AHCYL1: variants seen among roughly 807,000 people sequenced by gnomAD.
AHCYL1 encodes S-adenosylhomocysteine hydrolase-like protein 1.
Under a neutral mutation model 79.3 loss-of-function variants are expected in AHCYL1, and 20 were observed. The ratio of observed to expected loss-of-function variants is 0.25; its 90% confidence interval spans 0.18 to 0.37. The LOEUF is 0.37. Ranked by LOEUF, AHCYL1 falls within the 10% of genes least tolerant of loss-of-function variation. The probability of loss-of-function intolerance (pLI) is 1.00; values close to 1 mark genes in which losing one functional copy is unlikely to be tolerated. For synonymous variants in AHCYL1, 223 were observed against 242.2 expected (o/e 0.92, Z 0.74); for missense variants, 330 against 673.6 (o/e 0.49, Z 5.65).
intron 1 of AHCYL1, 75 bp from the exon 2 acceptor site, chr1:110,008,959 A>G (rs922177125): frequency 1.8e-5 from 21 of 1,174,034 alleles, no homozygotes; most frequent in African/African-American, 3.1e-5. Flanking sequence ...GGGAAAGACA[A>G]TGTATCCTTA....
At chr1:110,012,153 G>A (rs1378644815) in intron 3 of AHCYL1, among the ~76,000 whole-genome samples, 1 of 152,218 alleles carries the variant, frequency 6.6e-6, no homozygotes, top group Non-Finnish European at 1.5e-5. Flanking sequence ...GTATAAAGCT[G>A]AAGCAGTAGA....
intron 10 of AHCYL1, 77 bp from the exon 11 acceptor site, chr1:110,017,869 T>C: frequency 7.0e-7 from 1 of 1,434,668 alleles, no homozygotes; most frequent in Non-Finnish European, 9.8e-7. Context: ...TAGAAGGGGA[T>C]CTTGTCTCAT....
intron 15 of AHCYL1, among the ~76,000 whole-genome samples, chr1:110,020,357 T>C (rs1570896087): frequency 6.6e-6 from 1 of 152,210 alleles, no homozygotes; most frequent in East Asian, 1.9e-4. Flanking sequence ...CCACTTTGAT[T>C]GCTAATTTGA....
intron 1 of AHCYL1, among the ~76,000 whole-genome samples, chr1:109,993,053 A>G (rs1165574691): frequency 6.6e-6 from 1 of 152,104 alleles, no homozygotes; most frequent in Admixed American, 6.5e-5. Flanking sequence ...TTCCCAAAAG[A>G]CTCATTATAA....
At chr1:109,989,312 CCTTTT>C (rs1457586825) in intron 1 of AHCYL1, among the ~76,000 whole-genome samples, 4 of 152,160 alleles carry the variant, frequency 2.6e-5, no homozygotes. Context: ...CAAATGTATA[CCTTTT>C]CTTTTATCAG....
In AHCYL1 at chr1:110,023,618, G is replaced by A. The variant is rs1651934305; in HGVS notation, c.*1938G>A. Reference sequence around the variant, plus strand: ...AAAAAAAAAAGTCTGGCATCAGAGGGAGCATGTGGAGAGCAACTTGGGAAG... The same window carrying A: ...AAAAAAAAAAGTCTGGCATCAGAGGAAGCATGTGGAGAGCAACTTGGGAAG... On this transcript the variant is annotated 3_prime_UTR_variant, in exon 17 of 17. Transcript: ENST00000369799. 1 of 152,522 alleles carries A rather than the reference G, an allele frequency of 6.6e-6. No homozygotes were observed. Among genetic ancestry groups the A allele is most frequent in the Non-Finnish European group, 1.5e-5 (1 of 68,020 alleles). The allele number at this position is 152,522 out of a possible 1,614,324, so 9.4% of individuals were successfully genotyped here. A position where few individuals can be genotyped will look rare whatever the true frequency, so the allele number is the denominator to read the frequency against.
chr1:110,019,357 G>A (rs1044884960), intron 14 of AHCYL1, among the ~76,000 whole-genome samples, 191 bp from the exon 15 acceptor site: 5 of 152,208 alleles, frequency 3.3e-5, no homozygotes, highest in African/African-American at 4.8e-5. Context: ...TTGTTCTTTC[G>A]TTAGGAACTA....
chr1:110,019,408 T>C (rs1000396236), intron 14 of AHCYL1, 140 bp from the exon 15 acceptor site: 2 of 788,114 alleles, frequency 2.5e-6, no homozygotes, highest in African/African-American at 3.5e-5. Context: ...TGCTGCCCTT[T>C]AGTATAGGCA....
Position 110,011,270 on chromosome 1 carries a change from A to C in AHCYL1, c.289A>C (p.Thr97Pro). ...GGTTTCTCCCCGAGAGAAGCAGCAA[A>C]CCAACTCCAAGGGCAGCAGCAATTT... Reference protein sequence around the residue: ...DEVSPREKQQTNSKGSSNFCV... With the variant: ...DEVSPREKQQPNSKGSSNFCV... The change falls in exon 3 of 17, where the codon ACC becomes CCC. Residue 97 changes from threonine (T) to proline (P), a missense_variant. Transcript: ENST00000369799. The C allele has an allele frequency of 6.2e-7, 1 of 1,614,156 alleles. No homozygotes were observed.
intron 1 of AHCYL1, among the ~76,000 whole-genome samples, chr1:109,987,946 ATTTTTTAAAAGT>A (rs924082047): frequency 2.6e-5 from 4 of 152,170 alleles, no homozygotes; most frequent in African/African-American, 9.7e-5. Flanking sequence ...TAGCAGTGTA[ATTTTTTAAAAGT>A]CTATTCGTAT....
Position 110,015,341 on chromosome 1 carries a change from C to T in AHCYL1, c.676-84C>T. ...ACTCTTCCAAAACATACAGGGCTCT[C>T]TTACTAGTACAGAAAGTGGGTTCAA... On this transcript the variant is annotated intron_variant, in intron 6 of 16. Transcript: ENST00000369799. 3.8e-6 allele frequency: 4 copies of T among 1,052,678 alleles called. No individual in the cohort carries two copies. The South Asian group carries it at 3.9e-5, about 10-fold the overall frequency. The allele number at this position is 1,052,678 out of a possible 1,614,324, so 65.2% of individuals were successfully genotyped here.
At chr1:109,992,622 C>G (rs970435040) in intron 1 of AHCYL1, among the ~76,000 whole-genome samples, 1 of 152,066 alleles carries the variant, frequency 6.6e-6, no homozygotes, top group Non-Finnish European at 1.5e-5. Flanking sequence ...GAAGAGAGGT[C>G]AGTAAGTAGA....
chr1:110,016,023 G>T lies in AHCYL1; in HGVS notation c.783-321G>T, dbSNP rs530651994. ...CATATCAGAATCATTGATAGTCTTTGTTTATCAGAAGTAGGCATGGGTTTC... is the reference window on the plus strand; with the variant it reads ...CATATCAGAATCATTGATAGTCTTTTTTTATCAGAAGTAGGCATGGGTTTC... On this transcript the variant is annotated intron_variant, in intron 7 of 16. Transcript: ENST00000369799. Among the ~76,000 whole-genome samples, 10 of 152,120 alleles carry T rather than the reference G, an allele frequency of 6.6e-5. 1 individual carries two copies. The South Asian group carries it at 2.1e-3, about 32-fold the overall frequency.
chr1:110,012,847 C>G (rs1225933227), intron 4 of AHCYL1, 50 bp from the exon 5 acceptor site: 2 of 1,448,318 alleles, frequency 1.4e-6, no homozygotes, highest in Non-Finnish European at 1.9e-6. Context: ...GCTCTCCATT[C>G]CTGGGTGGCC....
chr1:109,994,962 TAAG>T (rs765319648), intron 1 of AHCYL1, among the ~76,000 whole-genome samples: 1 of 152,206 alleles, frequency 6.6e-6, no homozygotes, highest in Non-Finnish European at 1.5e-5. Flanking sequence ...CTCAGTGTAA[TAAG>T]ATGTATTGTA....
At chr1:109,995,960 CT>C (rs1486400326) in intron 1 of AHCYL1, among the ~76,000 whole-genome samples, 1 of 152,228 alleles carries the variant, frequency 6.6e-6, no homozygotes, top group African/African-American at 2.4e-5. Context: ...TGGCTCACGC[CT>C]GTAATCCCAA....
chr1:110,020,932 C>T, intron 16 of AHCYL1, 81 bp downstream of exon 16: 2 of 1,524,412 alleles, frequency 1.3e-6, no homozygotes, highest in Non-Finnish European at 1.8e-6. Context: ...ACATAAAGAT[C>T]AAATGTTGTA....
Position 110,021,724 on chromosome 1 carries a change from T to C in AHCYL1, c.*44T>C, listed in dbSNP as rs1301866033. 4.8e-5 allele frequency: 76 copies of C among 1,578,168 alleles called. No individual in the cohort carries two copies. In the Admixed American group the frequency reaches 5.8e-4, roughly 12 times the overall value. On this transcript the variant is annotated 3_prime_UTR_variant, in exon 17 of 17. Coordinates refer to ENST00000369799, the MANE Select transcript of AHCYL1 (RefSeq NM_006621.7). ...ACCAGTCCACCTGAACCACACACTC[T>C]AAAGAAATATTTTTTAAGATAACTT... is the stretch of plus-strand genomic sequence containing the variant.
At chr1:109,998,614 A>T (rs955316346) in intron 1 of AHCYL1, among the ~76,000 whole-genome samples, 1 of 151,970 alleles carries the variant, frequency 6.6e-6, no homozygotes. Flanking sequence ...AGTAGCTGGG[A>T]TTATAGGTGC....
Sources: gnomAD v4.1 joint callset for allele counts (sites outside exome capture counted in the v4.1 genomes callset) on GRCh38, gnomAD v4.1.1 for gene constraint, MANE v1.5 for transcripts, NCBI Gene and HGNC (gene_info 2026-07-23, HGNC 2026-07-21) for gene names.